SCN9A: variants seen among roughly 807,000 people sequenced by gnomAD.
The protein encoded by SCN9A is sodium voltage-gated channel alpha subunit 9, also known as sodium channel protein type 9 subunit alpha.
SCN9A carries 131 observed loss-of-function variants against 187.0 expected under a neutral mutation model. The ratio of observed to expected loss-of-function variants is 0.70; its 90% CI spans 0.61 to 0.81. The LOEUF is 0.81. Among genes scored for constraint, SCN9A ranks in the 30% least tolerant of loss-of-function variants. SCN9A has a pLI of 0.00. For synonymous variants in SCN9A, 809 were observed against 808.6 expected, an observed-to-expected ratio of 1.00 and a Z score of -0.01; for missense variants, 2,252 against 2,396.6, an observed-to-expected ratio of 0.94 and a Z score of 1.26.
chr2:166,217,048 T>G (rs1221542466), intron 24 of SCN9A, among the ~76,000 whole-genome samples: 5 of 151,840 alleles, frequency 3.3e-5, no homozygotes, highest in Admixed American at 2.6e-4. Flanking sequence ...AGCCCAGAAA[T>G]AAACCCAATT....
intron 1 of SCN9A, among the ~76,000 whole-genome samples, chr2:166,341,703 T>TC (rs1699789186): frequency 1.3e-5 from 2 of 152,322 alleles, no homozygotes; most frequent in South Asian, 4.1e-4. Context: ...CTGGGAGATT[T>TC]CCTATAATTA....
chr2:166,300,893 T>C (rs1559025649), intron 7 of SCN9A: 1 of 150,494 alleles, frequency 6.6e-6, no homozygotes, highest in Non-Finnish European at 1.5e-5. Flanking sequence ...GGCTCTATTA[T>C]TATTATTAAT....
intron 1 of SCN9A, among the ~76,000 whole-genome samples, chr2:166,348,170 A>T (rs6432906): frequency 0.68 from 103,090 of 151,800 alleles, 35,700 homozygotes; most frequent in African/African-American, 0.82. Flanking sequence ...ATACCACCTT[A>T]GCACATGTGT....
At chr2:166,373,875 TA>T (rs1559071198) in intron 1 of SCN9A, among the ~76,000 whole-genome samples, 1 of 152,212 alleles carries the variant, frequency 6.6e-6, no homozygotes. Flanking sequence ...AGAAATTGGA[TA>T]AAAAATAGAT....
chr2:166,314,382 A>T (rs1032855398), intron 1 of SCN9A, among the ~76,000 whole-genome samples: 15 of 152,174 alleles, frequency 9.9e-5, no homozygotes, highest in African/African-American at 3.6e-4. Flanking sequence ...AATAAGGGAT[A>T]TTTCATATAC....
At position 166,360,224 on chromosome 2, in the gene SCN9A, AAAAAAAAAAAAG is replaced by A. The variant is rs1277980460; in HGVS notation, c.-51+15461_-51+15472del. 1.3e-3 allele frequency among the ~76,000 whole-genome samples: 166 copies of A among 130,524 alleles called. 2 individuals are homozygous for A. The highest frequency in any genetic ancestry group is 5.0e-3 in the African/African-American group (158 of 31,668). 85.6% of individuals were successfully genotyped at this position (130,524 alleles called of 152,430 possible). A position where few individuals can be genotyped will look rare whatever the true frequency, so the allele number is the denominator to read the frequency against. ...ACAAGAGCGAAACTCTGTCTCAAAA[AAAAAAAAAAAAG>A]AAAAAAAAAAAAAGAAATTAAAGTT... is the stretch of plus-strand genomic sequence containing the variant. On this transcript the variant is annotated intron_variant, in intron 1 of 26. Transcript: ENST00000642356.
chr2:166,258,198 G>T (rs1696359812), intron 17 of SCN9A, among the ~76,000 whole-genome samples: 1 of 151,304 alleles, frequency 6.6e-6, no homozygotes. Flanking sequence ...ATTCAACAAA[G>T]TATGCTAAAA....
At chr2:166,282,467 A>C (rs910869698) in intron 12 of SCN9A, among the ~76,000 whole-genome samples, 2 of 152,152 alleles carry the variant, frequency 1.3e-5, no homozygotes, top group Non-Finnish European at 2.9e-5. Flanking sequence ...GAACTCATGC[A>C]TAACAAGTGT....
At position 166,272,472 on chromosome 2, in the gene SCN9A, G is replaced by C. The variant is rs1415937240; in HGVS notation, c.3278C>G (p.Pro1093Arg). ...PSLTVTVPIA[P>R]GESDLENMNA... ...CATATTTTCCAAATCGGATTCCCCA[G>C]GTGCAATTGGCACTGTCACTGTGAG... Residue 1093 changes from proline (P) to arginine (R), a missense_variant, in exon 17 of 27, where the codon CCT becomes CGT. Coordinates refer to ENST00000642356, the MANE Select transcript of SCN9A (RefSeq NM_001365536.1). 1 of 1,612,502 alleles carries C rather than the reference G, an allele frequency of 6.2e-7. No homozygotes were observed. The highest frequency in any genetic ancestry group is 8.5e-7 in the Non-Finnish European group (1 of 1,179,298).
In SCN9A at chr2:166,375,817, C is replaced by T. The variant is rs1390451207; in HGVS notation, c.-171G>A. On this transcript the variant is annotated 5_prime_UTR_variant, in exon 1 of 27. Coordinates refer to ENST00000642356, the MANE Select transcript of SCN9A (RefSeq NM_001365536.1). ...GGGCTGCTTCTTTTTCTCTGGGCTC[C>T]TGTTGCTCAGGGGACGCCTGCCGCT... The T allele has an allele frequency of 1.3e-5, 2 of 152,282 alleles. No homozygotes were observed. The highest frequency in any genetic ancestry group is 1.3e-4 in the Admixed American group (2 of 15,288). The allele number at this position is 152,282 out of a possible 1,614,324, so 9.4% of individuals were successfully genotyped here.
At chr2:166,209,715 A>C (rs4930048) in intron 24 of SCN9A, among the ~76,000 whole-genome samples, 24,183 of 151,910 alleles carry the variant, frequency 0.16, 2,380 homozygotes, top group East Asian at 0.34. Context: ...AATGCTCATC[A>C]TCACTGGCCA....
chr2:166,211,068 AAAAGAAAG>A (rs926046364), intron 24 of SCN9A, among the ~76,000 whole-genome samples: 8 of 30,420 alleles, frequency 2.6e-4, no homozygotes, highest in Non-Finnish European at 3.5e-4. Flanking sequence ...TCTCGGAAAA[AAAAGAAAG>A]AAAGTCTCCA....
At chr2:166,354,180 C>G (rs1331851904) in intron 1 of SCN9A, among the ~76,000 whole-genome samples, 1 of 152,072 alleles carries the variant, frequency 6.6e-6, no homozygotes, top group Non-Finnish European at 1.5e-5. Context: ...TGCTCTTTTT[C>G]TCCTCATTAA....
At chr2:166,209,977 A>T (rs1364919213) in intron 24 of SCN9A, among the ~76,000 whole-genome samples, 1 of 152,208 alleles carries the variant, frequency 6.6e-6, no homozygotes, top group Non-Finnish European at 1.5e-5. Flanking sequence ...AAAGGATTAT[A>T]AATCATGCTG....
At position 166,277,326 on chromosome 2, in the gene SCN9A, T is replaced by G; in HGVS notation, c.2531A>C (p.Lys844Thr). ...CAATGTTGGCCAGGATTTTGCCAAC[T>G]TGAAGACTCGGAGCTAAAAGCAAAT... ...LRSFRLLRVFKLAKSWPTLNM... is the reference protein window; with the variant it reads ...LRSFRLLRVFTLAKSWPTLNM... The change falls in exon 16 of 27, where the codon AAG (lysine) becomes ACG (threonine). Residue 844 changes from lysine (K) to threonine (T), a missense_variant. Physicochemically the swap from Lys to Thr is moderately conservative, Grantham distance 78. Coordinates refer to ENST00000642356, the MANE Select transcript of SCN9A (RefSeq NM_001365536.1). 6.2e-7 allele frequency: 1 copy of G among 1,606,538 alleles called. No homozygotes were observed. The highest frequency in any genetic ancestry group is 1.1e-5 in the South Asian group (1 of 90,798).
chr2:166,369,692 C>T (rs1436125637), intron 1 of SCN9A, among the ~76,000 whole-genome samples: 2 of 152,176 alleles, frequency 1.3e-5, no homozygotes, highest in Non-Finnish European at 2.9e-5. Context: ...CAGATAAAGG[C>T]ATCACTTACC....
At chr2:166,365,325 G>T (rs570896555) in intron 1 of SCN9A, among the ~76,000 whole-genome samples, 1 of 151,948 alleles carries the variant, frequency 6.6e-6, no homozygotes, top group South Asian at 2.1e-4. Context: ...CACAAAAAAA[G>T]ACAAAAACAT....
At chr2:166,208,946 G>C (rs1388361664) in intron 24 of SCN9A, among the ~76,000 whole-genome samples, 1 of 152,220 alleles carries the variant, frequency 6.6e-6, no homozygotes, top group Non-Finnish European at 1.5e-5. Context: ...AAGGGAGGGA[G>C]AGGAGTGGAG....
At chr2:166,299,612 G>C (rs1483843089) in intron 7 of SCN9A, among the ~76,000 whole-genome samples, 2 of 150,416 alleles carry the variant, frequency 1.3e-5, no homozygotes, top group Non-Finnish European at 2.9e-5. Context: ...TGTAGATCTT[G>C]GTACCAGATT....
Sources: allele counts gnomAD v4.1 joint callset (sites outside exome capture counted in the v4.1 genomes callset), GRCh38; gene constraint gnomAD v4.1.1; transcripts MANE v1.5; gene names NCBI Gene and HGNC (gene_info 2026-07-23, HGNC 2026-07-21).